FBXL13: variants seen among roughly 807,000 people sequenced by gnomAD.
FBXL13 encodes F-box and leucine rich repeat protein 13.
Under a neutral mutation model 83.6 loss-of-function variants are expected in FBXL13, and 67 were observed. That is an observed-to-expected ratio of 0.80 (90% CI 0.66 to 0.98). The LOEUF is 0.98. Ranked by LOEUF, FBXL13 falls within the 50% of genes least tolerant of loss-of-function variation. The probability of loss-of-function intolerance (pLI) is 0.00; values close to 1 mark genes in which losing one functional copy is unlikely to be tolerated. For missense variants in FBXL13, 822 were observed against 866.5 expected, an observed-to-expected ratio of 0.95 and a Z score of 0.64; for synonymous variants, 272 against 299.5, an observed-to-expected ratio of 0.91 and a Z score of 0.95.
intron 6 of FBXL13, among the ~76,000 whole-genome samples, chr7:102,978,826 A>G (rs1563180045): frequency 6.6e-6 from 1 of 152,226 alleles, no homozygotes; most frequent in Non-Finnish European, 1.5e-5. Flanking sequence ...GATTATAGCA[A>G]TCCTAACTAT....
intron 8 of FBXL13, among the ~76,000 whole-genome samples, chr7:102,958,917 G>C (rs371726285): frequency 6.6e-6 from 1 of 151,688 alleles, no homozygotes; most frequent in Non-Finnish European, 1.5e-5. Flanking sequence ...ATTAAAAGAC[G>C]TATTAATATT....
At chr7:102,867,670 T>C (rs1170155377) in intron 16 of FBXL13, among the ~76,000 whole-genome samples, 2 of 67,878 alleles carry the variant, frequency 2.9e-5, no homozygotes, top group Non-Finnish European at 5.0e-5. Context: ...GACTTAGACA[T>C]ATATATATAT....
intron 9 of FBXL13, among the ~76,000 whole-genome samples, 186 bp from the exon 11 acceptor site, chr7:102,926,560 C>G (rs967790867): frequency 5.9e-5 from 9 of 152,316 alleles, no homozygotes; most frequent in Middle Eastern, 6.8e-3. Context: ...TTGCTCAAAG[C>G]ATCATTACTC....
intron 9 of FBXL13, among the ~76,000 whole-genome samples, chr7:102,929,146 C>T (rs1818669637): frequency 6.6e-6 from 1 of 152,130 alleles, no homozygotes; most frequent in Admixed American, 6.5e-5. Flanking sequence ...AGGGTCTTAA[C>T]ATTCTTCTGT....
At chr7:103,050,785 T>G (rs1198648955) in intron 2 of FBXL13, among the ~76,000 whole-genome samples, 4 of 152,228 alleles carry the variant, frequency 2.6e-5, no homozygotes. Flanking sequence ...TTTCCCCTTT[T>G]GGGGAGGAAA....
chr7:103,019,750 T>A (rs942626408), intron 6 of FBXL13, among the ~76,000 whole-genome samples: 2 of 152,142 alleles, frequency 1.3e-5, no homozygotes, highest in African/African-American at 4.8e-5. Flanking sequence ...CCTGGACACA[T>A]ACACCCTCCC....
chr7:102,836,620 G>A (rs1305855984), intron 17 of FBXL13, among the ~76,000 whole-genome samples: 2 of 152,298 alleles, frequency 1.3e-5, no homozygotes, highest in South Asian at 4.1e-4. Flanking sequence ...CCTTTCCCAT[G>A]TATCAGCCAA....
chr7:102,949,197 T>C (rs1231379291), intron 8 of FBXL13, among the ~76,000 whole-genome samples: 1 of 152,180 alleles, frequency 6.6e-6, no homozygotes. Context: ...ATAGAGGAAC[T>C]GATCTTAGCT....
intron 17 of FBXL13, among the ~76,000 whole-genome samples, chr7:102,850,407 A>G (rs192834317): frequency 5.3e-5 from 8 of 152,362 alleles, no homozygotes; most frequent in African/African-American, 1.9e-4. Context: ...GTAGGTTTCA[A>G]TACTTCTAAA....
chr7:103,027,319 A>C (rs1381694827), intron 5 of FBXL13, 130 bp downstream of exon 6: 3 of 618,622 alleles, frequency 4.8e-6, no homozygotes, highest in Non-Finnish European at 8.1e-6. Context: ...ATAAAAAAAA[A>C]CAAGAATCCC....
chr7:103,002,714 T>C (rs1459842094), intron 6 of FBXL13, among the ~76,000 whole-genome samples: 1 of 152,234 alleles, frequency 6.6e-6, no homozygotes, highest in East Asian at 1.9e-4. Flanking sequence ...ACTTCAGCAA[T>C]TTGAACATGT....
At chr7:102,884,125 G>T in intron 12 of FBXL13, 89 bp downstream of exon 13, 1 of 935,172 alleles carries the variant, frequency 1.1e-6, no homozygotes, top group Non-Finnish European at 1.7e-6. Context: ...AAAATGAAAA[G>T]TCCATTCATA....
At chr7:103,055,286 C>A in intron 2 of FBXL13, 108 bp from the exon 3 acceptor site, 1 of 546,466 alleles carries the variant, frequency 1.8e-6, no homozygotes, top group African/African-American at 2.0e-5. Context: ...AGAAGGAAAA[C>A]ACATTTCCCC....
At chr7:102,832,090 C>T (rs144814987) in intron 18 of FBXL13, among the ~76,000 whole-genome samples, 6 of 152,182 alleles carry the variant, frequency 3.9e-5, no homozygotes, top group African/African-American at 1.2e-4. Context: ...GAATAAAATA[C>T]CAGCGATGGT....
chr7:103,007,935 C>T (rs890033288), intron 6 of FBXL13, among the ~76,000 whole-genome samples: 3 of 152,004 alleles, frequency 2.0e-5, no homozygotes, highest in Non-Finnish European at 4.4e-5. Context: ...GTGTCTCCCA[C>T]GAGGAATGGC....
chr7:102,983,418 T>TC (rs111469735), intron 6 of FBXL13, among the ~76,000 whole-genome samples: 18 of 136,968 alleles, frequency 1.3e-4, no homozygotes, highest in African/African-American at 4.6e-4. Flanking sequence ...TTTTCTTTTT[T>TC]CCCCTTTTTT....
chr7:102,974,858 GC>G (rs1827239446), intron 6 of FBXL13, among the ~76,000 whole-genome samples: 1 of 151,798 alleles, frequency 6.6e-6, no homozygotes, highest in East Asian at 1.9e-4. Flanking sequence ...CATCTTCCCA[GC>G]CCCCATCTTC....
intron 2 of FBXL13, 61 bp from the exon 3 acceptor site, chr7:103,055,239 T>A: frequency 1.1e-6 from 1 of 888,800 alleles, no homozygotes; most frequent in Non-Finnish European, 1.6e-6. Flanking sequence ...GTTCCGTAAT[T>A]AAATCAGTGA....
At chr7:102,854,727 A>G in intron 17 of FBXL13, 50 bp downstream of exon 18, 1 of 1,230,700 alleles carries the variant, frequency 8.1e-7, no homozygotes, top group Non-Finnish European at 1.1e-6. Context: ...AAAAGAAAAA[A>G]AGAAAAATTT....
Sources: allele counts gnomAD v4.1 joint callset (sites outside exome capture counted in the v4.1 genomes callset), GRCh38; gene constraint gnomAD v4.1.1; transcripts MANE v1.5; gene names NCBI Gene and HGNC (gene_info 2026-07-23, HGNC 2026-07-21).